The following RPS6KC1 variants were observed in gnomAD, a reference collection of about 807,000 sequenced individuals.
RPS6KC1 encodes the protein ribosomal protein S6 kinase C1, also known as inactive ribosomal protein S6 kinase delta-1.
Under a neutral mutation model 103.8 loss-of-function variants are expected in RPS6KC1, and 54 were observed. The observed-to-expected ratio is 0.52, with a 90% CI of 0.42 to 0.65. The LOEUF is 0.65. Among genes scored for constraint, RPS6KC1 ranks in the 30% least tolerant of loss-of-function variants. The pLI, the probability that RPS6KC1 is intolerant of heterozygous loss-of-function variation, is 0.00. For synonymous variants in RPS6KC1, 439 were observed against 438.7 expected, an observed-to-expected ratio of 1.00 and a Z score of -0.01; for missense variants, 1,151 against 1,253.8, an observed-to-expected ratio of 0.92 and a Z score of 1.24.
At chr1:213,703,813 G>A in the RPS6KC1 span, among the ~76,000 whole-genome samples, 40 of 151,698 alleles carry the variant, frequency 2.6e-4, no homozygotes, top group Non-Finnish European at 5.2e-4. Context: ...GCCTTCTTTG[G>A]GTTAATCTCC....
At chr1:213,209,818 G>C (rs2093455958) in intron 8 of RPS6KC1, among the ~76,000 whole-genome samples, 2 of 151,620 alleles carry the variant, frequency 1.3e-5, no homozygotes, top group Admixed American at 1.3e-4. Flanking sequence ...AACTGAACAA[G>C]GGGTAGGCTA....
chr1:213,307,086 G>A, the RPS6KC1 span, among the ~76,000 whole-genome samples: 3 of 137,558 alleles, frequency 2.2e-5, no homozygotes, highest in African/African-American at 5.7e-5. Flanking sequence ...TTTTTGAGAC[G>A]GAGTCTCCAT....
the RPS6KC1 span, among the ~76,000 whole-genome samples, chr1:213,383,910 T>C: frequency 6.6e-6 from 1 of 152,148 alleles, no homozygotes; most frequent in African/African-American, 2.4e-5. Flanking sequence ...TAAATGTCTT[T>C]TGTTGAAGCT....
chr1:213,516,503 G>A, the RPS6KC1 span, among the ~76,000 whole-genome samples: 440 of 151,422 alleles, frequency 2.9e-3, 2 homozygotes, highest in African/African-American at 0.01. Context: ...GTTTTTTGTC[G>A]TTGGTTCTGT....
the RPS6KC1 span, among the ~76,000 whole-genome samples, chr1:213,418,899 G>C: frequency 5.3e-5 from 8 of 152,212 alleles, no homozygotes; most frequent in Non-Finnish European, 1.2e-4. Flanking sequence ...AGGTGGCTCG[G>C]CTGCCAGGCC....
chr1:213,178,621 A>T (rs1039339085), intron 8 of RPS6KC1, among the ~76,000 whole-genome samples: 25 of 152,140 alleles, frequency 1.6e-4, no homozygotes, highest in African/African-American at 5.8e-4. Context: ...TTGACAGTAG[A>T]AGAATTCCTA....
chr1:213,329,558 T>A, the RPS6KC1 span, among the ~76,000 whole-genome samples: 5 of 147,796 alleles, frequency 3.4e-5, no homozygotes, highest in Admixed American at 6.8e-5. Context: ...TCCAGAGGCA[T>A]CTGATTATTC....
the RPS6KC1 span, among the ~76,000 whole-genome samples, chr1:213,794,133 A>G: frequency 6.6e-6 from 1 of 152,222 alleles, no homozygotes; most frequent in African/African-American, 2.4e-5. Flanking sequence ...AAATGCAACA[A>G]TGCAAATAGG....
At chr1:213,105,237 AT>A (rs1572553153) in intron 4 of RPS6KC1, among the ~76,000 whole-genome samples, 2 of 131,596 alleles carry the variant, frequency 1.5e-5, no homozygotes, top group Non-Finnish European at 3.3e-5. Flanking sequence ...TTTTTTTACC[AT>A]TTTTAATAAT....
At chr1:213,090,466 T>C (rs1018020937) in intron 3 of RPS6KC1, among the ~76,000 whole-genome samples, 4 of 152,196 alleles carry the variant, frequency 2.6e-5, no homozygotes, top group Non-Finnish European at 1.5e-5. Flanking sequence ...AGAGTAGTTA[T>C]AGGTGATGAT....
chr1:213,388,088 T>C, the RPS6KC1 span, among the ~76,000 whole-genome samples: 3 of 152,256 alleles, frequency 2.0e-5, no homozygotes, highest in Admixed American at 2.0e-4. Context: ...ATTTTGGGCA[T>C]TCTCCTTCCT....
chr1:213,765,634 A>T, the RPS6KC1 span, among the ~76,000 whole-genome samples: 1 of 152,046 alleles, frequency 6.6e-6, no homozygotes, highest in Non-Finnish European at 1.5e-5. Context: ...CTCAATAGGC[A>T]AATAAACGTC....
intron 6 of RPS6KC1, among the ~76,000 whole-genome samples, chr1:213,152,789 C>T (rs1410768728): frequency 6.6e-6 from 1 of 151,364 alleles, no homozygotes; most frequent in Non-Finnish European, 1.5e-5. Context: ...CCTCACATCC[C>T]AGATGATGGG....
At chr1:213,363,628 T>TGC in the RPS6KC1 span, among the ~76,000 whole-genome samples, 1,116 of 30,050 alleles carry the variant, frequency 0.037, 6 homozygotes, top group South Asian at 0.05. Flanking sequence ...CTTGCTTGCT[T>TGC]TCTTTCTTTC....
chr1:213,673,558 G>A, the RPS6KC1 span, among the ~76,000 whole-genome samples: 2 of 152,136 alleles, frequency 1.3e-5, no homozygotes, highest in Non-Finnish European at 2.9e-5. Context: ...TCAAGGTCAG[G>A]AACTCCTACA....
the RPS6KC1 span, among the ~76,000 whole-genome samples, chr1:213,363,804 TTCTTTCTTTCTTCTC>T: frequency 9.3e-6 from 1 of 107,606 alleles, no homozygotes; most frequent in Non-Finnish European, 1.7e-5. Context: ...CTTTCTTTCT[TTCTTTCTTTCTTCTC>T]TCTTTTTTTT....
chr1:213,824,246 G>T, the RPS6KC1 span, among the ~76,000 whole-genome samples: 3 of 152,138 alleles, frequency 2.0e-5, no homozygotes, highest in Non-Finnish European at 4.4e-5. Flanking sequence ...ACCCTCTAAG[G>T]GTGCTCCATG....
chr1:213,791,361 C>T, the RPS6KC1 span, among the ~76,000 whole-genome samples: 2 of 152,106 alleles, frequency 1.3e-5, no homozygotes, highest in East Asian at 1.9e-4. Context: ...TAATTCTTTG[C>T]TAACAAACTC....
At chr1:213,099,316 G>A (rs751695825) in intron 3 of RPS6KC1, among the ~76,000 whole-genome samples, 9 of 151,928 alleles carry the variant, frequency 5.9e-5, no homozygotes, top group Admixed American at 2.0e-4. Context: ...ACATTTTATT[G>A]TGAAAATTTT....
Sources: gnomAD v4.1 joint callset for allele counts (sites outside exome capture counted in the v4.1 genomes callset) on GRCh38, gnomAD v4.1.1 for gene constraint, MANE v1.5 for transcripts, NCBI Gene and HGNC (gene_info 2026-07-23, HGNC 2026-07-21) for gene names.